LYPLA1: variants seen among roughly 807,000 people sequenced by gnomAD.
LYPLA1 encodes the protein lysophospholipase 1, also known as acyl-protein thioesterase 1.
A neutral mutation model predicts 34.0 loss-of-function variants in LYPLA1; 17 were observed. That is an observed-to-expected ratio of 0.50 (90% CI 0.34 to 0.75). LYPLA1 has a LOEUF of 0.75. LYPLA1 is among the 30% of genes least tolerant of loss of function. The pLI, the probability that LYPLA1 is intolerant of heterozygous loss-of-function variation, is 0.01. For synonymous variants in LYPLA1, 98 were observed against 100.8 expected (o/e 0.97, Z 0.17); for missense variants, 203 against 288.8 (o/e 0.70, Z 2.15).
chr8:54,101,744 A>G lies in LYPLA1; in HGVS notation c.69+11T>C, dbSNP rs1244678243. The G allele has an allele frequency of 7.7e-7, 1 of 1,300,562 alleles. No individual in the cohort carries two copies. The highest frequency in any genetic ancestry group is 9.9e-7 in the Non-Finnish European group (1 of 1,015,056). The allele number at this position is 1,300,562 out of a possible 1,614,324, so 80.6% of individuals were successfully genotyped here. On this transcript the variant is annotated intron_variant, in intron 1 of 8. Transcript: ENST00000316963. ...AGTGGACCCCTCCGAGCCCACGCCT[A>G]CGCCACTCACCGCAGCGGTGGCCTT...
At chr8:54,101,114 A>T (rs936572501) in intron 1 of LYPLA1, among the ~76,000 whole-genome samples, 175 bp from the exon 2 acceptor site, 3 of 146,270 alleles carry the variant, frequency 2.1e-5, no homozygotes, top group Admixed American at 1.4e-4. Flanking sequence ...AATTCTGATC[A>T]ACTTCTCCCT....
chr8:54,070,385 C>A (rs1807374659), intron 2 of LYPLA1, among the ~76,000 whole-genome samples: 1 of 152,128 alleles, frequency 6.6e-6, no homozygotes, highest in Non-Finnish European at 1.5e-5. Context: ...TATTACGCAA[C>A]TTCAAGGTGC....
At chr8:54,087,802 A>T (rs950167790) in intron 2 of LYPLA1, among the ~76,000 whole-genome samples, 7 of 152,222 alleles carry the variant, frequency 4.6e-5, no homozygotes, top group African/African-American at 1.7e-4. Context: ...GCACTTGAAC[A>T]TAAATTTAAT....
chr8:54,071,586 AT>A (rs1387068322), intron 2 of LYPLA1, among the ~76,000 whole-genome samples: 1 of 152,186 alleles, frequency 6.6e-6, no homozygotes, highest in Non-Finnish European at 1.5e-5. Context: ...GCGATATGAG[AT>A]TTTTTTGTAC....
rs140833251 is a variant in LYPLA1, at chr8:54,076,568, C to A, written c.102-10755G>T. 3.0e-3 allele frequency among the ~76,000 whole-genome samples: 450 copies of A among 152,280 alleles called. 3 individuals carry two copies. Among genetic ancestry groups the A allele is most frequent in the African/African-American group, 0.01 (430 of 41,556 alleles). On this transcript the variant is annotated intron_variant, in intron 2 of 8. Transcript: ENST00000316963. ...GGCTATAAACTGGCCCCAAAACTGG[C>A]TATAAACAAAATCTCTGCAGCACTA...
intron 2 of LYPLA1, among the ~76,000 whole-genome samples, chr8:54,095,795 G>A: frequency 6.6e-6 from 1 of 150,888 alleles, no homozygotes; most frequent in Non-Finnish European, 1.5e-5. Context: ...CTGTTGCCCA[G>A]GCTGGTCTCA....
intron 2 of LYPLA1, among the ~76,000 whole-genome samples, chr8:54,097,293 A>G (rs1364340429): frequency 1.3e-5 from 2 of 152,250 alleles, no homozygotes; most frequent in Non-Finnish European, 1.5e-5. Flanking sequence ...CATGGTATTT[A>G]TACCAGAAAT....
chr8:54,092,160 CGGA>C (rs1056524866), intron 2 of LYPLA1, among the ~76,000 whole-genome samples: 15 of 144,912 alleles, frequency 1.0e-4, no homozygotes, highest in Admixed American at 7.0e-5. Context: ...GAGGCGGCGG[CGGA>C]GGAGAACCCT....
rs1403514180 is a variant in LYPLA1 at position 54,062,226 on chromosome 8, T to A, written c.286+28A>T. 4 of 1,449,820 alleles carry A rather than the reference T, an allele frequency of 2.8e-6. No individual in the cohort carries two copies. The South Asian group carries it at 3.6e-5, about 13-fold the overall frequency. 89.8% of individuals were successfully genotyped at this position (1,449,820 alleles called of 1,614,324 possible). A position where few individuals can be genotyped will look rare whatever the true frequency, so the allele number is the denominator to read the frequency against. ...TACTAAAAACATTTAAGAACACTTT[T>A]GGCTTTATAAACATTTTCTGTACTT... On this transcript the variant is annotated intron_variant, in intron 5 of 8. Coordinates refer to ENST00000316963, the MANE Select transcript of LYPLA1 (RefSeq NM_006330.4).
rs867634055 is a variant in LYPLA1, at chr8:54,086,105, T to C, written c.101+14803A>G. On this transcript the variant is annotated intron_variant, in intron 2 of 8. Coordinates refer to ENST00000316963, the MANE Select transcript of LYPLA1 (RefSeq NM_006330.4). ...TAAGAAAAATTCTTCCACCTTGGGA[T>C]GCTGTTAATCTATAACCTTACCCCC... Among the ~76,000 whole-genome samples, 14 of 152,184 alleles carry C rather than the reference T, an allele frequency of 9.2e-5. 1 individual carries two copies. Among genetic ancestry groups the C allele is most frequent in the Admixed American group, 4.6e-4 (7 of 15,282 alleles).
At chr8:54,072,753 C>T (rs1363847273) in intron 2 of LYPLA1, among the ~76,000 whole-genome samples, 5 of 151,696 alleles carry the variant, frequency 3.3e-5, no homozygotes, top group Non-Finnish European at 5.9e-5. Context: ...CGGAGGCGGG[C>T]GGATCACTTG....
chr8:54,092,366 G>A (rs1457350406), intron 2 of LYPLA1, among the ~76,000 whole-genome samples: 1 of 151,902 alleles, frequency 6.6e-6, no homozygotes, highest in East Asian at 1.9e-4. Context: ...GAAGGAGAAG[G>A]AAGAGGAGGA....
In LYPLA1 at chr8:54,051,240, C is replaced by G. The variant is rs778683665; in HGVS notation, c.463-52G>C. The G allele has an allele frequency of 5.7e-6, 8 of 1,413,492 alleles. No homozygotes were observed. In the African/African-American group the frequency reaches 8.7e-5, roughly 15 times the overall value. 87.6% of individuals were successfully genotyped at this position (1,413,492 alleles called of 1,614,324 possible). A position where few individuals can be genotyped will look rare whatever the true frequency, so the allele number is the denominator to read the frequency against. ...TTTATTTTTGTAAAAGTATAGGACA[C>G]TATGCCAGGCATTTAAAATTGTACA... On this transcript the variant is annotated intron_variant, in intron 7 of 8. Transcript: ENST00000316963.
rs558853324 is a variant in LYPLA1, at chr8:54,085,882, G to C, written c.101+15026C>G. On this transcript the variant is annotated intron_variant, in intron 2 of 8. Coordinates refer to ENST00000316963, the MANE Select transcript of LYPLA1 (RefSeq NM_006330.4). ...GGGGGCGCCTCTGCCCAGCCGCCCC[G>C]TCTGGGAAGTGAGGAGCCCCTCTGC... 2.6e-5 allele frequency among the ~76,000 whole-genome samples: 4 copies of C among 151,806 alleles called. No homozygotes were observed. In the South Asian group the frequency reaches 8.3e-4, roughly 31 times the overall value.
chr8:54,091,488 A>C (rs546935632), intron 2 of LYPLA1, among the ~76,000 whole-genome samples: 1 of 151,816 alleles, frequency 6.6e-6, no homozygotes, highest in South Asian at 2.1e-4. Context: ...ACTGTCTCAA[A>C]AAAAGAAAAG....
In LYPLA1 at chr8:54,076,023, G is replaced by A. The variant is rs564807582; in HGVS notation, c.102-10210C>T. Among the ~76,000 whole-genome samples, 28 of 152,302 alleles carry A rather than the reference G, an allele frequency of 1.8e-4. 1 individual carries two copies. In the South Asian group the frequency reaches 5.4e-3, roughly 29 times the overall value. ...GTGATCTGAACAAAACGGTCAGATG[G>A]TAGAAATGATAAGAAGTATGGCAAG... is the stretch of plus-strand genomic sequence containing the variant. On this transcript the variant is annotated intron_variant, in intron 2 of 8. Coordinates refer to ENST00000316963, the MANE Select transcript of LYPLA1 (RefSeq NM_006330.4).
intron 2 of LYPLA1, among the ~76,000 whole-genome samples, chr8:54,096,920 A>C (rs2129372160): frequency 6.6e-6 from 1 of 152,260 alleles, no homozygotes; most frequent in Non-Finnish European, 1.5e-5. Flanking sequence ...TCAAAAAATA[A>C]ACAAATAAAT....
chr8:54,059,299 G>GTTTTTTTTTTTTTT (rs573966934), intron 5 of LYPLA1, among the ~76,000 whole-genome samples: 1 of 112,744 alleles, frequency 8.9e-6, no homozygotes, highest in African/African-American at 4.9e-5. Context: ...TATTTTCCCT[G>GTTTTTTTTTTTTTT]TTTTTTTTTT....
intron 2 of LYPLA1, among the ~76,000 whole-genome samples, chr8:54,095,908 G>A (rs377029338): frequency 6.6e-6 from 1 of 152,076 alleles, no homozygotes; most frequent in Non-Finnish European, 1.5e-5. Context: ...TGAAAGACAA[G>A]GACTGTTTCA....
Sources: gnomAD v4.1 joint callset for allele counts (sites outside exome capture counted in the v4.1 genomes callset) on GRCh38, gnomAD v4.1.1 for gene constraint, MANE v1.5 for transcripts, NCBI Gene and HGNC (gene_info 2026-07-23, HGNC 2026-07-21) for gene names.